Variants in RP1 observed in about 807,000 individuals in gnomAD.
The protein encoded by RP1 is RP1 axonemal microtubule associated, also known as oxygen-regulated protein 1.
Under a neutral mutation model 14.8 loss-of-function variants are expected in RP1, and 16 were observed. The observed-to-expected ratio is 1.08, with a 90% CI of 0.73 to 1.65. The LOEUF (loss-of-function observed/expected upper bound fraction) is 1.65. Among genes scored for constraint, RP1 ranks in the 40% most tolerant of loss-of-function variants. The pLI, the probability that RP1 is intolerant of heterozygous loss-of-function variation, is 0.00. For missense variants in RP1, 2,631 were observed against 2,535.0 expected, an observed-to-expected ratio of 1.04 and a Z score of -0.81; for synonymous variants, 876 against 883.6, an observed-to-expected ratio of 0.99 and a Z score of 0.15.
chr8:54,749,379 G>T (rs1261623899), intron 19 of RP1, among the ~76,000 whole-genome samples: 1 of 151,960 alleles, frequency 6.6e-6, no homozygotes, highest in Admixed American at 6.6e-5. Flanking sequence ...ATAGATGGTG[G>T]CAATTGTTGT....
At chr8:54,736,758 G>A (rs1416334639) in intron 18 of RP1, among the ~76,000 whole-genome samples, 1 of 152,142 alleles carries the variant, frequency 6.6e-6, no homozygotes, top group African/African-American at 2.4e-5. Flanking sequence ...GGCATTGCCT[G>A]GGATCTTGTT....
intron 13 of RP1, among the ~76,000 whole-genome samples, chr8:54,701,309 G>A (rs1808010419): frequency 6.6e-6 from 1 of 152,138 alleles, no homozygotes; most frequent in Non-Finnish European, 1.5e-5. Context: ...ATTGGAGCAA[G>A]TCATTGGAAT....
chr8:54,573,600 T>C (rs1804576681), intron 1 of RP1, among the ~76,000 whole-genome samples: 1 of 152,178 alleles, frequency 6.6e-6, no homozygotes, highest in South Asian at 2.1e-4. Flanking sequence ...TTTTAGAATT[T>C]TCCGTTTTGC....
downstream of RP1, among the ~76,000 whole-genome samples, chr8:54,774,722 T>C (rs933010088): frequency 7.2e-5 from 11 of 152,310 alleles, no homozygotes; most frequent in South Asian, 6.2e-4. Flanking sequence ...TAACTCAACA[T>C]AGCAGTGGAA....
intron 12 of RP1, among the ~76,000 whole-genome samples, chr8:54,685,359 G>T (rs1043859106): frequency 6.6e-6 from 1 of 152,032 alleles, no homozygotes; most frequent in Non-Finnish European, 1.5e-5. Flanking sequence ...TTGTCTCTTT[G>T]TTCTCATTAG....
At position 54,626,604 on chromosome 8, in the gene RP1, G is replaced by C. The variant is rs1183147996; in HGVS notation, c.2722G>C (p.Ala908Pro). Residue 908 changes from alanine to proline, a missense_variant, in exon 4 of 4, where the codon GCT becomes CCT. Ala to Pro is a conservative substitution (Grantham distance 27, BLOSUM62 -1). Coordinates refer to ENST00000220676, the MANE Select transcript of RP1 (RefSeq NM_006269.2). ...LKKPDFPEAI[A>P]HHSIQNYIQS... is the part of the protein sequence containing the mutation. ...AAAACCTGATTTTCCTGAGGCTATT[G>C]CTCATCATTCAATTCAAAATTATAT... is the stretch of plus-strand genomic sequence containing the variant. 1 of 1,613,552 alleles carries C rather than the reference G, an allele frequency of 6.2e-7. No individual in the cohort carries two copies. The highest frequency in any genetic ancestry group is 8.5e-7 in the Non-Finnish European group (1 of 1,179,878).
At chr8:54,702,234 C>G (rs561037138) in intron 14 of RP1, among the ~76,000 whole-genome samples, 1 of 152,236 alleles carries the variant, frequency 6.6e-6, no homozygotes, top group African/African-American at 2.4e-5. Flanking sequence ...AAGATTTTCA[C>G]TAAAAATAAT....
At chr8:54,603,458 A>C (rs927695942) in intron 1 of RP1, among the ~76,000 whole-genome samples, 37 of 152,138 alleles carry the variant, frequency 2.4e-4, no homozygotes, top group Non-Finnish European at 5.0e-4. Context: ...GTATAGTTTG[A>C]AGTCAGGTAG....
intron 3 of RP1, among the ~76,000 whole-genome samples, chr8:54,624,098 G>A (rs559995885): frequency 1.3e-3 from 192 of 152,182 alleles, no homozygotes; most frequent in African/African-American, 4.4e-3. Flanking sequence ...CTAAAGAGTG[G>A]TTTGAAGAAA....
intron 6 of RP1, among the ~76,000 whole-genome samples, chr8:54,662,570 A>G (rs1380081365): frequency 6.6e-6 from 1 of 152,178 alleles, no homozygotes; most frequent in Non-Finnish European, 1.5e-5. Flanking sequence ...ATGCAAGTAA[A>G]AAAATGGTAG....
At chr8:54,821,587 G>A (rs1183095359) in intron 24 of RP1, among the ~76,000 whole-genome samples, 1 of 152,138 alleles carries the variant, frequency 6.6e-6, no homozygotes, top group African/African-American at 2.4e-5. Context: ...TCTTATGTTG[G>A]TTGTGAAGAT....
At chr8:54,678,444 C>G in intron 8 of RP1, 1 of 1,528,036 alleles carries the variant, frequency 6.5e-7, no homozygotes, top group Non-Finnish European at 8.8e-7. Context: ...CATTTTCATT[C>G]TTTAATTTGT....
At chr8:54,564,020 T>C (rs1804346711) in intron 1 of RP1, among the ~76,000 whole-genome samples, 1 of 152,176 alleles carries the variant, frequency 6.6e-6, no homozygotes, top group South Asian at 2.1e-4. Context: ...GTTATGCTGG[T>C]GTGAGAGACC....
At chr8:54,847,073 G>T (rs1435245717) in intron 25 of RP1, among the ~76,000 whole-genome samples, 1 of 152,136 alleles carries the variant, frequency 6.6e-6, no homozygotes, top group South Asian at 2.1e-4. Flanking sequence ...CTGCCCCCAA[G>T]ATCCAACCCT....
chr8:54,601,841 T>A (rs1384022967), intron 1 of RP1, among the ~76,000 whole-genome samples: 2 of 152,200 alleles, frequency 1.3e-5, no homozygotes, highest in African/African-American at 4.8e-5. Context: ...AAAGATCACA[T>A]ATGGCATGAC....
At chr8:54,701,440 T>G in intron 13 of RP1, 1 of 1,469,888 alleles carries the variant, frequency 6.8e-7, no homozygotes, top group Non-Finnish European at 9.0e-7. Context: ...ATTAAATTTT[T>G]TTTTTCTGTT....
At chr8:54,598,872 A>C (rs965903608) in intron 1 of RP1, among the ~76,000 whole-genome samples, 12 of 152,038 alleles carry the variant, frequency 7.9e-5, no homozygotes, top group Non-Finnish European at 1.3e-4. Flanking sequence ...GTAATGTGTC[A>C]TTTCTCTCTG....
chr8:54,630,235 G>A lies in RP1; in HGVS notation c.6353G>A (p.Ser2118Asn), dbSNP rs753732597. 17 of 1,613,530 alleles carry A rather than the reference G, an allele frequency of 1.1e-5. No homozygotes were observed. The East Asian group carries it at 1.6e-4, about 15-fold the overall frequency. Residue 2118 changes from serine to asparagine, a missense_variant, in exon 4 of 4, where the codon AGC becomes AAC. By Grantham distance (46) the Ser-to-Asn change is conservative. Transcript: ENST00000220676. ...ICQVETSLNISNRNILELCMF... is the reference protein window; with the variant it reads ...ICQVETSLNINNRNILELCMF... ...CAAGTTGAGACCTCCTTAAATATTA[G>A]CAACAGAAATATTTTAGAACTTTGT...
intron 24 of RP1, among the ~76,000 whole-genome samples, chr8:54,821,865 T>G (rs1585721463): frequency 6.6e-6 from 1 of 152,144 alleles, no homozygotes; most frequent in African/African-American, 2.4e-5. Flanking sequence ...TTGATTCCAG[T>G]GTTCAAGCAG....
Sources: gnomAD v4.1 joint callset for allele counts (sites outside exome capture counted in the v4.1 genomes callset) on GRCh38, gnomAD v4.1.1 for gene constraint, MANE v1.5 for transcripts, NCBI Gene and HGNC (gene_info 2026-07-23, HGNC 2026-07-21) for gene names.